LONP1: variants seen among roughly 807,000 people sequenced by gnomAD.
LONP1 encodes lon peptidase 1, mitochondrial.
A neutral mutation model predicts 98.5 loss-of-function variants in LONP1; 31 were observed. The observed-to-expected ratio is 0.31, with a 90% CI of 0.24 to 0.42. LONP1 has a LOEUF of 0.42. LONP1 is among the 20% of genes least tolerant of loss of function. The pLI is 1.00. For synonymous variants in LONP1, 781 were observed against 594.7 expected, an observed-to-expected ratio of 1.31 and a Z score of -4.56; for missense variants, 1,336 against 1,350.6, an observed-to-expected ratio of 0.99 and a Z score of 0.17.
At chr19:5,707,180 G>A (rs765652392) in intron 6 of LONP1, 37 bp from the exon 7 acceptor site, 4 of 1,580,376 alleles carry the variant, frequency 2.5e-6, no homozygotes, top group East Asian at 4.5e-5. Flanking sequence ...ATGAGCAGAA[G>A]TCGGCATCTG....
At position 5,693,692 on chromosome 19, in the gene LONP1, G is replaced by T. The variant is rs1358780811; in HGVS notation, c.2398C>A (p.Leu800Met). Residue 800 changes from leucine to methionine, a missense_variant, in exon 16 of 18, where the codon CTG becomes ATG. By Grantham distance (15) the Leu-to-Met change is conservative. Around this residue, in one of 5 missense-constraint regions of LONP1, gnomAD observed 555 missense variants for 542.6 expected, o/e 1.02. Coordinates refer to ENST00000360614, the MANE Select transcript of LONP1 (RefSeq NM_004793.4). ...KDAKGDKDGSLEVTGQLGEVM... is the reference protein window; with the variant it reads ...KDAKGDKDGSMEVTGQLGEVM... ...TCCCCCAGCTGGCCTGTCACCTCCAGGCTGCCATCCTTGTCACCCTTGGCA... is the reference window on the plus strand; with the variant it reads ...TCCCCCAGCTGGCCTGTCACCTCCATGCTGCCATCCTTGTCACCCTTGGCA... The T allele has an allele frequency of 6.2e-7, 1 of 1,614,120 alleles. No homozygotes were observed. Among genetic ancestry groups the T allele is most frequent in the Admixed American group, 1.7e-5 (1 of 60,030 alleles).
At chr19:5,710,528 G>T (rs1321189166) in intron 4 of LONP1, among the ~76,000 whole-genome samples, 1 of 152,024 alleles carries the variant, frequency 6.6e-6, no homozygotes, top group African/African-American at 2.4e-5. Flanking sequence ...CCACTGGTGT[G>T]TGCGACCATG....
upstream of LONP1, chr19:5,720,412 C>T: frequency 3.5e-6 from 2 of 576,518 alleles, no homozygotes; most frequent in Non-Finnish European, 6.0e-6. Context: ...GTGTTGCAAA[C>T]GCAACGTTTA....
chr19:5,699,058 T>C lies in LONP1; in HGVS notation c.1654A>G (p.Met552Val), dbSNP rs766001481. Reference protein sequence around the residue: ...REYFRFSVGGMTDVAEIKGHR... With the variant: ...REYFRFSVGGVTDVAEIKGHR... ...CCCTTGATCTCAGCCACGTCAGTCA[T>C]GCCCCCGACGCTGAAGCGGAAGTAC... The change falls in exon 10 of 18, where the codon ATG becomes GTG. Residue 552 changes from methionine (M) to valine (V), a missense_variant. Physicochemically the swap from Met to Val is conservative, Grantham distance 21. This residue lies in a region of LONP1 where 219 missense variants were observed against 241.0 expected (regional missense o/e 0.91). Transcript: ENST00000360614. 7.5e-6 allele frequency: 12 copies of C among 1,608,590 alleles called. No individual in the cohort carries two copies. The highest frequency in any genetic ancestry group is 6.8e-5 in the East Asian group (3 of 44,388).
chr19:5,720,013 G>T lies in LONP1; in HGVS notation c.120C>A (p.Leu40=). 3.8e-6 allele frequency: 6 copies of T among 1,571,294 alleles called. No homozygotes were observed. Among genetic ancestry groups the T allele is most frequent in the East Asian group, 2.4e-5 (1 of 42,062 alleles). Residue 40 remains leucine (L), a synonymous_variant, in exon 1 of 18, where the codon CTC becomes CTA. Transcript: ENST00000360614. The part of the protein sequence containing the change: ...RVPTAAGAWL[L]RGQRTCDASP... ...AGGCGTCGCAGGTCCGCTGGCCTCGGAGCAACCACGCTCCTGCTGCAGTGG... is the reference window on the plus strand; with the variant it reads ...AGGCGTCGCAGGTCCGCTGGCCTCGTAGCAACCACGCTCCTGCTGCAGTGG...
At chr19:5,696,204 C>A (rs367554914) in intron 12 of LONP1, 34 bp from the exon 13 acceptor site, 16 of 1,612,560 alleles carry the variant, frequency 9.9e-6, no homozygotes, top group East Asian at 6.7e-5. Flanking sequence ...GGGGACTGGC[C>A]GCTTACCCTC....
intron 13 of LONP1, among the ~76,000 whole-genome samples, chr19:5,695,502 C>G (rs1295178794): frequency 6.6e-6 from 1 of 152,202 alleles, no homozygotes; most frequent in African/African-American, 2.4e-5. Flanking sequence ...CTGGGCCCAG[C>G]AGTGGGCATT....
At position 5,693,705 on chromosome 19, in the gene LONP1, G is replaced by A; in HGVS notation, c.2385C>T (p.Asp795=). 6.2e-7 allele frequency: 1 copy of A among 1,614,078 alleles called. No homozygotes were observed. Residue 795 remains aspartate, a synonymous_variant, in exon 16 of 18, where the codon GAC becomes GAT. Coordinates refer to ENST00000360614, the MANE Select transcript of LONP1 (RefSeq NM_004793.4). ...RRPQDKDAKG[D]KDGSLEVTGQ... is the part of the protein sequence containing the mutation. Reference sequence around the variant, plus strand: ...CTGTCACCTCCAGGCTGCCATCCTTGTCACCCTTGGCATCCTTGTCCTGTG... The same window carrying A: ...CTGTCACCTCCAGGCTGCCATCCTTATCACCCTTGGCATCCTTGTCCTGTG...
chr19:5,719,833 G>A lies in LONP1; in HGVS notation c.300C>T (p.Ser100=). Residue 100 remains serine, a synonymous_variant, in exon 1 of 18, where the codon AGC becomes AGT. Transcript: ENST00000360614. ...TGACCGGGCCTTCCCCGGCGCCCGC[G>A]CTGCCCCCCGCGCCGCCGGCTCCTT... is the stretch of plus-strand genomic sequence containing the variant. ...AEEGAGGAGG[S]AGAGEGPVIT... is the part of the protein sequence containing the mutation. The A allele has an allele frequency of 6.2e-7, 1 of 1,608,930 alleles. No individual in the cohort carries two copies.
chr19:5,713,272 G>C lies in LONP1; in HGVS notation c.519-19C>G. ...CTCATTGCTGTGGGAGAAGAGCACA[G>C]AGGAATGTTGGAACATGGCTTTCAT... On this transcript the variant is annotated intron_variant, in intron 2 of 17. Transcript: ENST00000360614. 3 of 1,610,422 alleles carry C rather than the reference G, an allele frequency of 1.9e-6. No individual in the cohort carries two copies. Among genetic ancestry groups the C allele is most frequent in the Non-Finnish European group, 2.5e-6 (3 of 1,177,890 alleles).
rs769736193 is a variant in LONP1 at position 5,699,092 on chromosome 19, C to T, written c.1620G>A (p.Leu540=). ...CGCTGAAGCGGAAGTACTCTCGGTT[C>T]AGGGCGCGGGCGATGGAGCGAGCAA... ...TSIARSIARA[L]NREYFRFSVG... The change falls in exon 10 of 18, where the codon CTG becomes CTA. Residue 540 remains leucine, a synonymous_variant. Transcript: ENST00000360614. 1.2e-6 allele frequency: 2 copies of T among 1,606,754 alleles called. No individual in the cohort carries two copies.
Position 5,719,837 on chromosome 19 carries a change from C to T in LONP1, c.296G>A (p.Gly99Asp), listed in dbSNP as rs747867148. 183 of 1,607,880 alleles carry T rather than the reference C, an allele frequency of 1.1e-4. No individual in the cohort carries two copies. The highest frequency in any genetic ancestry group is 2.7e-5 in the African/African-American group (2 of 74,602). The change falls in exon 1 of 18, where the codon GGC (glycine) becomes GAC (aspartate). Residue 99 changes from glycine (G) to aspartate (D), a missense_variant. Physicochemically the swap from Gly to Asp is moderately conservative, Grantham distance 94. Around this residue, in one of 5 missense-constraint regions of LONP1, gnomAD observed 457 missense variants for 403.1 expected, o/e 1.13. Coordinates refer to ENST00000360614, the MANE Select transcript of LONP1 (RefSeq NM_004793.4). ...CGGGCCTTCCCCGGCGCCCGCGCTG[C>T]CCCCCGCGCCGCCGGCTCCTTCCTC... Reference protein sequence around the residue: ...GAEEGAGGAGGSAGAGEGPVI... With the variant: ...GAEEGAGGAGDSAGAGEGPVI...
Position 5,714,229 on chromosome 19 carries a change from G to A in LONP1, c.472C>T (p.Arg158Cys), listed in dbSNP as rs370084099. 6.8e-6 allele frequency: 11 copies of A among 1,613,902 alleles called. No homozygotes were observed. Among genetic ancestry groups the A allele is most frequent in the South Asian group, 3.3e-5 (3 of 91,070 alleles). ...KLVELLRRKV[R>C]LAQPYVGVFL... ...ACGCCGACATAAGGCTGGGCGAGAC[G>A]AACTTTCCTTCTCAGCAGCTCAACC... is the stretch of plus-strand genomic sequence containing the variant. The change falls in exon 2 of 18, where the codon CGT becomes TGT. Residue 158 changes from arginine (R) to cysteine (C), a missense_variant. Coordinates refer to ENST00000360614, the MANE Select transcript of LONP1 (RefSeq NM_004793.4).
chr19:5,710,248 C>G (rs996079336), intron 4 of LONP1, among the ~76,000 whole-genome samples: 3 of 151,584 alleles, frequency 2.0e-5, no homozygotes, highest in African/African-American at 7.3e-5. Context: ...CCACACCTGG[C>G]TAATTTTTTT....
chr19:5,696,965 T>C (rs959809280), intron 10 of LONP1, among the ~76,000 whole-genome samples: 1 of 152,194 alleles, frequency 6.6e-6, no homozygotes, highest in Non-Finnish European at 1.5e-5. Flanking sequence ...GCTCAGATTC[T>C]GGGGTCACTG....
At chr19:5,703,017 A>T (rs2055083482) in intron 8 of LONP1, among the ~76,000 whole-genome samples, 2 of 150,982 alleles carry the variant, frequency 1.3e-5, no homozygotes, top group South Asian at 4.2e-4. Flanking sequence ...TGATCAATAA[A>T]AAAAAAAAAA....
At chr19:5,707,459 C>T (rs1040423166) in intron 6 of LONP1, among the ~76,000 whole-genome samples, 6 of 152,318 alleles carry the variant, frequency 3.9e-5, no homozygotes, top group Admixed American at 2.0e-4. Flanking sequence ...TGACTCCCAA[C>T]CGAAGGCTAT....
In LONP1 at chr19:5,719,691, G is replaced by A. The variant is rs775054369; in HGVS notation, c.429+13C>T. 5 of 1,613,566 alleles carry A rather than the reference G, an allele frequency of 3.1e-6. No homozygotes were observed. The highest frequency in any genetic ancestry group is 3.3e-5 in the Admixed American group (2 of 60,006). ...GGTGGGAAACCTGAGGCCGAGGCGG[G>A]GACTCCCATTACCTCGATAATCTTG... On this transcript the variant is annotated intron_variant, in intron 1 of 17. Transcript: ENST00000360614.
intron 13 of LONP1, 69 bp downstream of exon 13, chr19:5,695,985 C>T (rs2145583054): frequency 7.1e-7 from 1 of 1,414,596 alleles, no homozygotes. Flanking sequence ...AGAGGCACGG[C>T]CTCTGCAGGC....
Sources: gnomAD v4.1 joint callset for allele counts (sites outside exome capture counted in the v4.1 genomes callset) on GRCh38, gnomAD v4.1.1 for gene constraint, gnomAD v4.1.1 regional missense constraint, MANE v1.5 for transcripts, NCBI Gene and HGNC (gene_info 2026-07-23, HGNC 2026-07-21) for gene names.